RNF130: variants seen among roughly 807,000 people sequenced by gnomAD.
RNF130 encodes the protein ring finger protein 130, also known as E3 ubiquitin-protein ligase RNF130.
In RNF130, 21 loss-of-function variants were observed where a neutral mutation model predicts 44.6. The ratio of observed to expected loss-of-function variants is 0.47; its 90% CI spans 0.33 to 0.68. The LOEUF is 0.68. Ranked by LOEUF, RNF130 falls within the 30% of genes least tolerant of loss-of-function variation. The pLI is 0.02. For synonymous variants in RNF130, 214 were observed against 210.4 expected, an observed-to-expected ratio of 1.02 and a Z score of -0.15; for missense variants, 479 against 560.6, an observed-to-expected ratio of 0.85 and a Z score of 1.47.
chr5:179,962,249 G>C (rs751314979), intron 8 of RNF130, among the ~76,000 whole-genome samples: 10 of 152,310 alleles, frequency 6.6e-5, no homozygotes, highest in Non-Finnish European at 1.5e-4. Flanking sequence ...GCCTCAACAT[G>C]TATGGCTCAC....
At chr5:180,034,163 G>C (rs2113128332) in intron 2 of RNF130, among the ~76,000 whole-genome samples, 1 of 150,278 alleles carries the variant, frequency 6.7e-6, no homozygotes, top group Non-Finnish European at 1.5e-5. Flanking sequence ...ACCGAAAATG[G>C]TTAGTTGGCT....
intron 2 of RNF130, among the ~76,000 whole-genome samples, chr5:180,039,018 C>A (rs1764342120): frequency 6.6e-6 from 1 of 152,106 alleles, no homozygotes; most frequent in Non-Finnish European, 1.5e-5. Context: ...GAAAAACTAC[C>A]CTCGAGTCCT....
At chr5:180,053,178 C>T (rs1215590132) in intron 1 of RNF130, among the ~76,000 whole-genome samples, 2 of 152,032 alleles carry the variant, frequency 1.3e-5, no homozygotes, top group East Asian at 1.9e-4. Context: ...AACTGGCAGA[C>T]AGGATAGGGC....
chr5:180,012,673 G>T (rs1337789605), intron 3 of RNF130, among the ~76,000 whole-genome samples: 2 of 152,096 alleles, frequency 1.3e-5, no homozygotes, highest in East Asian at 3.9e-4. Context: ...AAATTCACAT[G>T]GGAAAGAATT....
At chr5:180,055,457 T>C (rs866690595) in intron 1 of RNF130, among the ~76,000 whole-genome samples, 9 of 151,288 alleles carry the variant, frequency 5.9e-5, no homozygotes, top group Admixed American at 1.3e-4. Context: ...TGTGTGCGTG[T>C]GTGTGTGTGT....
At chr5:179,957,224 C>T (rs1762231301) in intron 8 of RNF130, among the ~76,000 whole-genome samples, 1 of 152,014 alleles carries the variant, frequency 6.6e-6, no homozygotes, top group Non-Finnish European at 1.5e-5. Flanking sequence ...CCAGCCTGGC[C>T]CACATGGCAA....
chr5:180,071,682 CG>C lies in RNF130; in HGVS notation c.20del (p.Ala7GlyfsTer12). 2.1e-6 allele frequency: 3 copies of C among 1,397,606 alleles called. No homozygotes were observed. The highest frequency in any genetic ancestry group is 3.0e-5 in the South Asian group (2 of 66,644). The allele number at this position is 1,397,606 out of a possible 1,614,324, so 86.6% of individuals were successfully genotyped here. MSCAGRAGPARLAALAL... is the reference protein window; with the variant it reads MSCAGRXGPARLAALAL... ...CGAGCGCGGCGAGCCGGGCAGGGCCCGCCCGCCCCGCGCAGCTCATCGTCCC... is the reference window on the plus strand; with the variant it reads ...CGAGCGCGGCGAGCCGGGCAGGGCCCCCCGCCCCGCGCAGCTCATCGTCCC... On this transcript the variant is annotated frameshift_variant, in exon 1 of 9. Coordinates refer to ENST00000521389, the MANE Select transcript of RNF130 (RefSeq NM_018434.6). LOFTEE classifies it high-confidence loss of function.
downstream of RNF130, among the ~76,000 whole-genome samples, chr5:179,953,146 T>C (rs1005446027): frequency 3.9e-5 from 6 of 152,156 alleles, no homozygotes; most frequent in African/African-American, 1.2e-4. Context: ...AGCAATGTTG[T>C]AGGATAAAAG....
chr5:179,946,532 C>A (rs556835613), intron 7 of RNF130, among the ~76,000 whole-genome samples: 1 of 151,768 alleles, frequency 6.6e-6, no homozygotes, highest in East Asian at 1.9e-4. Context: ...ACAGACCGAC[C>A]AGTACAGCAC....
Position 179,948,999 on chromosome 5 carries a change from T to C in RNF130, c.1150+17807A>G, listed in dbSNP as rs1390361866. 2.1e-5 allele frequency among the ~76,000 whole-genome samples: 3 copies of C among 145,174 alleles called. No homozygotes were observed. The East Asian group carries it at 6.1e-4, about 29-fold the overall frequency. On this transcript the variant is annotated intron_variant, in intron 7 of 7. Coordinates refer to the RNF130 transcript ENST00000522208. ...TTTTTTTTTTGAGATGGAGTCTCGCTCTGTCACCCAGGCTGGAATGCAACG... is the reference window on the plus strand; with the variant it reads ...TTTTTTTTTTGAGATGGAGTCTCGCCCTGTCACCCAGGCTGGAATGCAACG...
At chr5:180,011,260 T>C (rs1352705696) in intron 3 of RNF130, among the ~76,000 whole-genome samples, 1 of 152,214 alleles carries the variant, frequency 6.6e-6, no homozygotes, top group Non-Finnish European at 1.5e-5. Flanking sequence ...AGGATTTTCT[T>C]TGCTATAAAG....
chr5:180,028,145 C>T (rs1226789809), intron 2 of RNF130, among the ~76,000 whole-genome samples: 1 of 152,164 alleles, frequency 6.6e-6, no homozygotes, highest in Non-Finnish European at 1.5e-5. Flanking sequence ...GGCCTTTGGC[C>T]TAGAATACTC....
chr5:179,984,324 G>A (rs1762906542), intron 3 of RNF130, among the ~76,000 whole-genome samples: 1 of 152,108 alleles, frequency 6.6e-6, no homozygotes. Flanking sequence ...CGCAGAAACA[G>A]AAGTGATCAG....
chr5:180,017,670 G>GC (rs967740815), intron 2 of RNF130, among the ~76,000 whole-genome samples: 2 of 152,026 alleles, frequency 1.3e-5, no homozygotes, highest in Admixed American at 6.5e-5. Context: ...TCGGAAAAGA[G>GC]CCCCCCATCC....
intron 5 of RNF130, among the ~76,000 whole-genome samples, chr5:179,974,667 C>T (rs750798583): frequency 1.1e-4 from 16 of 152,224 alleles, no homozygotes; most frequent in Non-Finnish European, 1.8e-4. Flanking sequence ...GCAGGTGTGA[C>T]AGCAGACGCT....
chr5:179,920,791 A>ATTTT lies in RNF130; in HGVS notation c.1151-366_1151-365insAAAA, dbSNP rs1385471717. ...TGGGCATATATATTTATATATATAT[A>ATTTT]TATATTTTTTTTTTTGAGATGGAGT... On this transcript the variant is annotated intron_variant, in intron 7 of 7. Coordinates refer to the RNF130 transcript ENST00000522208. 2.7e-3 allele frequency among the ~76,000 whole-genome samples: 366 copies of ATTTT among 134,876 alleles called. 2 individuals carry two copies. The highest frequency in any genetic ancestry group is 0.011 in the African/African-American group (323 of 28,260). The allele number at this position is 134,876 out of a possible 152,430, so 88.5% of individuals were successfully genotyped here.
At chr5:180,065,992 G>T (rs1016521934) in intron 1 of RNF130, among the ~76,000 whole-genome samples, 2 of 152,036 alleles carry the variant, frequency 1.3e-5, no homozygotes, top group Admixed American at 1.3e-4. Context: ...AATCAAAAAG[G>T]TAATATCACA....
intron 1 of RNF130, among the ~76,000 whole-genome samples, chr5:180,044,642 A>G: frequency 6.6e-6 from 1 of 152,032 alleles, no homozygotes; most frequent in African/African-American, 2.4e-5. Context: ...GACCAGCCTG[A>G]CCAACACAGC....
intron 1 of RNF130, among the ~76,000 whole-genome samples, chr5:180,052,876 A>G (rs536548437): frequency 3.9e-5 from 6 of 152,324 alleles, no homozygotes; most frequent in African/African-American, 1.2e-4. Flanking sequence ...ACCAATAAAT[A>G]CAAGTAATAA....
Sources: gnomAD v4.1 joint callset for allele counts (sites outside exome capture counted in the v4.1 genomes callset) on GRCh38, gnomAD v4.1.1 for gene constraint, MANE v1.5 for transcripts, NCBI Gene and HGNC (gene_info 2026-07-23, HGNC 2026-07-21) for gene names.